Variants in FTCDNL1 observed in about 807,000 individuals in gnomAD.
The protein encoded by FTCDNL1 is formiminotransferase N-terminal subdomain-containing protein.
Under a neutral mutation model 5.9 loss-of-function variants are expected in FTCDNL1, and 11 were observed. The ratio of observed to expected loss-of-function variants is 1.87; its 90% CI spans 1.18 to 3.10. The LOEUF is 3.10. Ranked by LOEUF, FTCDNL1 falls within the 30% of genes most tolerant of loss-of-function variation. The pLI is 0.00. For synonymous variants in FTCDNL1, 58 were observed against 24.8 expected (o/e 2.34, Z -3.99); for missense variants, 115 against 65.5 (o/e 1.76, Z -2.61).
At chr2:199,682,762 G>A in the FTCDNL1 span, among the ~76,000 whole-genome samples, 1 of 152,182 alleles carries the variant, frequency 6.6e-6, no homozygotes, top group Middle Eastern at 3.2e-3. Flanking sequence ...TTAGCAAAGA[G>A]TATGAATAAA....
At chr2:199,759,141 G>A (rs201263470), downstream of FTCDNL1, among the ~76,000 whole-genome samples, 4,536 of 150,222 alleles carry the variant, frequency 0.03, 128 homozygotes, top group East Asian at 0.16. Flanking sequence ...ATTTGTGTGT[G>A]TATATATATA....
At chr2:199,776,819 T>G (rs1699097560) in intron 3 of FTCDNL1, among the ~76,000 whole-genome samples, 2 of 152,162 alleles carry the variant, frequency 1.3e-5, no homozygotes, top group African/African-American at 4.8e-5. Context: ...ATAGGATGTG[T>G]GTGTATGATT....
chr2:199,749,001 C>A, the FTCDNL1 span, among the ~76,000 whole-genome samples: 1 of 152,188 alleles, frequency 6.6e-6, no homozygotes, highest in African/African-American at 2.4e-5. Context: ...AAGTTGGACT[C>A]TCTCAGCCCC....
chr2:199,683,146 T>A, the FTCDNL1 span, among the ~76,000 whole-genome samples: 5 of 152,334 alleles, frequency 3.3e-5, no homozygotes, highest in East Asian at 9.7e-4. Context: ...ATATGATGCA[T>A]CATCATCTTT....
intron 3 of FTCDNL1, among the ~76,000 whole-genome samples, chr2:199,831,466 A>G (rs1702366333): frequency 6.6e-6 from 1 of 152,234 alleles, no homozygotes; most frequent in Admixed American, 6.5e-5. Context: ...TTATATTCAT[A>G]TTATGATAAT....
At chr2:199,825,692 AG>A (rs1701987997) in intron 3 of FTCDNL1, among the ~76,000 whole-genome samples, 1 of 152,158 alleles carries the variant, frequency 6.6e-6, no homozygotes, top group East Asian at 1.9e-4. Flanking sequence ...TTTGCCTTAC[AG>A]CTATGAGTAA....
downstream of FTCDNL1, among the ~76,000 whole-genome samples, chr2:199,808,961 G>C (rs1700875452): frequency 2.0e-5 from 3 of 152,118 alleles, no homozygotes; most frequent in Non-Finnish European, 4.4e-5. Flanking sequence ...CCAAAGCAAG[G>C]CAAGACCTGG....
intron 3 of FTCDNL1, among the ~76,000 whole-genome samples, chr2:199,820,962 A>G (rs538790480): frequency 6.6e-6 from 1 of 152,292 alleles, no homozygotes; most frequent in East Asian, 1.9e-4. Flanking sequence ...ATCAGAGCTG[A>G]GATGAGACCT....
At chr2:199,695,766 C>A in the FTCDNL1 span, among the ~76,000 whole-genome samples, 1 of 152,206 alleles carries the variant, frequency 6.6e-6, no homozygotes, top group African/African-American at 2.4e-5. Context: ...GAACAAGACT[C>A]CAGCCTGTGC....
downstream of FTCDNL1, among the ~76,000 whole-genome samples, chr2:199,808,106 A>G (rs1315209317): frequency 6.6e-6 from 1 of 152,170 alleles, no homozygotes; most frequent in African/African-American, 2.4e-5. Context: ...GCCATGTGAC[A>G]TAACTGCTCC....
At chr2:199,703,714 A>T in the FTCDNL1 span, among the ~76,000 whole-genome samples, 2 of 152,208 alleles carry the variant, frequency 1.3e-5, no homozygotes, top group African/African-American at 4.8e-5. Context: ...TGCAACTGGC[A>T]ACTTACCCAT....
the FTCDNL1 span, among the ~76,000 whole-genome samples, chr2:199,728,263 T>G: frequency 2.0e-5 from 3 of 152,156 alleles, no homozygotes; most frequent in African/African-American, 7.2e-5. Flanking sequence ...TTTTTTTTTT[T>G]TTGAGACGGG....
the FTCDNL1 span, among the ~76,000 whole-genome samples, chr2:199,744,409 GCT>G: frequency 3.4e-4 from 50 of 149,168 alleles, no homozygotes; most frequent in Admixed American, 3.4e-4. Context: ...GCTCTCGTGT[GCT>G]CTCTCTCTCT....
chr2:199,714,708 G>A, the FTCDNL1 span, among the ~76,000 whole-genome samples: 8 of 152,162 alleles, frequency 5.3e-5, no homozygotes, highest in Admixed American at 4.6e-4. Flanking sequence ...ATGCTGGGGG[G>A]TTTCAGAGGA....
chr2:199,680,639 C>T, the FTCDNL1 span, among the ~76,000 whole-genome samples: 3 of 152,138 alleles, frequency 2.0e-5, no homozygotes, highest in Non-Finnish European at 4.4e-5. Context: ...TGTGATGCAA[C>T]AGGAGGAAAT....
the FTCDNL1 span, among the ~76,000 whole-genome samples, chr2:199,673,469 A>C: frequency 6.6e-6 from 1 of 151,992 alleles, no homozygotes; most frequent in East Asian, 1.9e-4. Context: ...TTAGCTTCTA[A>C]TTTTTGCTAC....
intron 1 of FTCDNL1, 53 bp from the exon 2 acceptor site, chr2:199,849,022 T>TA (rs2076804753): frequency 1.5e-6 from 1 of 669,080 alleles, no homozygotes. Context: ...CATATTTTCA[T>TA]GTTTTAACTA....
intron 3 of FTCDNL1, among the ~76,000 whole-genome samples, chr2:199,836,440 G>C (rs1335599329): frequency 6.6e-6 from 1 of 152,098 alleles, no homozygotes; most frequent in East Asian, 1.9e-4. Flanking sequence ...CCAAAGTGCT[G>C]GGATTATAGG....
intron 3 of FTCDNL1, among the ~76,000 whole-genome samples, chr2:199,802,142 G>A (rs942733075): frequency 4.6e-5 from 7 of 152,064 alleles, no homozygotes; most frequent in Admixed American, 4.6e-4. Flanking sequence ...TCAACAGATT[G>A]TGCCTAAAAT....
Sources: gnomAD v4.1 joint callset for allele counts (sites outside exome capture counted in the v4.1 genomes callset) on GRCh38, gnomAD v4.1.1 for gene constraint, MANE v1.5 for transcripts, NCBI Gene and HGNC (gene_info 2026-07-23, HGNC 2026-07-21) for gene names.